Variants in MED15 observed in about 807,000 individuals in gnomAD.
MED15 encodes the protein mediator complex subunit 15, also known as mediator of RNA polymerase II transcription subunit 15.
MED15 carries 41 observed loss-of-function variants against 118.7 expected under a neutral mutation model. The observed-to-expected ratio is 0.35, with a 90% confidence interval of 0.27 to 0.45. The LOEUF (loss-of-function observed/expected upper bound fraction) is 0.45. Ranked by LOEUF, MED15 falls within the 20% of genes least tolerant of loss-of-function variation. The probability of loss-of-function intolerance (pLI) is 1.00; values close to 1 mark genes in which losing one functional copy is unlikely to be tolerated. For missense variants in MED15, 740 were observed against 1,025.5 expected (o/e 0.72, Z 3.80); for synonymous variants, 436 against 413.9 (o/e 1.05, Z -0.65).
intron 2 of MED15, among the ~76,000 whole-genome samples, chr22:20,538,634 A>G (rs1330592949): frequency 2.0e-5 from 3 of 152,098 alleles, no homozygotes; most frequent in Non-Finnish European, 2.9e-5. Context: ...TATACTTTCT[A>G]CTGCTGTAGA....
At chr22:20,544,556 A>G (rs2055447257) in intron 2 of MED15, among the ~76,000 whole-genome samples, 1 of 151,976 alleles carries the variant, frequency 6.6e-6, no homozygotes, top group Non-Finnish European at 1.5e-5. Context: ...AGTCCCAGCT[A>G]CTCGGGAGGC....
At chr22:20,521,489 C>T (rs1425082213) in intron 1 of MED15, among the ~76,000 whole-genome samples, 2 of 151,270 alleles carry the variant, frequency 1.3e-5, no homozygotes, top group Non-Finnish European at 1.5e-5. Context: ...CTCTGCCTCC[C>T]GGGTTCACAC....
chr22:20,564,836 A>C, intron 6 of MED15, 148 bp downstream of exon 6: 1 of 1,387,148 alleles, frequency 7.2e-7, no homozygotes, highest in Non-Finnish European at 9.8e-7. Flanking sequence ...GCTTCTCAAA[A>C]AGTCTGGGAC....
At chr22:20,568,495 A>G in intron 7 of MED15, 26 bp from the exon 8 acceptor site, 1 of 1,610,852 alleles carries the variant, frequency 6.2e-7, no homozygotes, top group Non-Finnish European at 8.5e-7. Context: ...GTGGTTCCAA[A>G]TCACATTCTC....
chr22:20,569,602 C>T (rs2056570232), intron 8 of MED15, among the ~76,000 whole-genome samples: 1 of 152,050 alleles, frequency 6.6e-6, no homozygotes, highest in African/African-American at 2.4e-5. Flanking sequence ...TTCATGGTGC[C>T]TGCTACCTCT....
chr22:20,536,006 A>G (rs548005039), intron 1 of MED15, among the ~76,000 whole-genome samples: 2 of 149,780 alleles, frequency 1.3e-5, no homozygotes, highest in Admixed American at 1.3e-4. Flanking sequence ...CCTCCTTTGT[A>G]GCTGAGATTA....
intron 1 of MED15, among the ~76,000 whole-genome samples, chr22:20,514,010 G>A (rs1229807984): frequency 6.6e-6 from 1 of 152,056 alleles, no homozygotes. Context: ...TACTACAGAC[G>A]CATGCCACCA....
intron 5 of MED15, among the ~76,000 whole-genome samples, chr22:20,563,313 C>T (rs984968138): frequency 1.2e-4 from 18 of 152,158 alleles, no homozygotes; most frequent in African/African-American, 2.9e-4. Flanking sequence ...TTCATGTAGA[C>T]GGTTAAACAC....
At chr22:20,543,151 G>GTGTGTGTGTGTGTGTGTA (rs1346137661) in intron 2 of MED15, among the ~76,000 whole-genome samples, 1 of 82,032 alleles carries the variant, frequency 1.2e-5, no homozygotes, top group African/African-American at 5.4e-5. Context: ...GTGTGTGTGT[G>GTGTGTGTGTGTGTGTGTA]TATTTTTAAA....
chr22:20,514,044 G>A (rs773210817), intron 1 of MED15, among the ~76,000 whole-genome samples: 9 of 151,886 alleles, frequency 5.9e-5, no homozygotes, highest in Non-Finnish European at 1.0e-4. Flanking sequence ...TTTGTATTTT[G>A]TGTAAGAGAC....
intron 1 of MED15, among the ~76,000 whole-genome samples, chr22:20,535,125 T>A (rs2055016106): frequency 6.6e-6 from 1 of 151,852 alleles, no homozygotes; most frequent in Non-Finnish European, 1.5e-5. Flanking sequence ...ACCCGACTAA[T>A]TTTTGTATTT....
At chr22:20,508,225 G>T (rs937766889) in intron 1 of MED15, 1 of 1,247,678 alleles carries the variant, frequency 8.0e-7, no homozygotes, top group South Asian at 1.4e-5. Flanking sequence ...GCGGTGGGAC[G>T]GAGGATCTGA....
chr22:20,548,536 T>C (rs886768157), intron 2 of MED15, among the ~76,000 whole-genome samples: 13 of 152,250 alleles, frequency 8.5e-5, no homozygotes, highest in African/African-American at 3.1e-4. Context: ...ACACTGTGGA[T>C]TTAGAGAGGG....
intron 2 of MED15, chr22:20,551,024 A>G: frequency 2.4e-6 from 1 of 411,506 alleles, no homozygotes. Flanking sequence ...GCCCTTCTTT[A>G]CAGATAGTGC....
intron 8 of MED15, chr22:20,573,626 G>C (rs2056735248): frequency 6.6e-6 from 1 of 152,180 alleles, no homozygotes; most frequent in Non-Finnish European, 1.5e-5. Flanking sequence ...TGGTGCGTTT[G>C]GGTTGAAAGA....
At chr22:20,545,216 A>G (rs953041061) in intron 2 of MED15, among the ~76,000 whole-genome samples, 8 of 152,208 alleles carry the variant, frequency 5.3e-5, no homozygotes, top group Non-Finnish European at 2.9e-5. Context: ...ACGGTGGCCC[A>G]TGCCTGTAAT....
chr22:20,525,891 A>G (rs536738472), intron 1 of MED15, among the ~76,000 whole-genome samples: 1 of 150,340 alleles, frequency 6.7e-6, no homozygotes, highest in East Asian at 1.9e-4. Flanking sequence ...GACACTCTTT[A>G]TGTGCATTTT....
At chr22:20,507,994 G>A (rs1243773947) in intron 1 of MED15, 7 of 1,427,468 alleles carry the variant, frequency 4.9e-6, no homozygotes, top group Non-Finnish European at 6.4e-6. Flanking sequence ...ATCGTCTTGA[G>A]CTTTCTCATT....
intron 13 of MED15, chr22:20,583,876 G>A (rs916568806): frequency 4.3e-6 from 1 of 234,834 alleles, no homozygotes; most frequent in Admixed American, 5.0e-5. Context: ...GCTGCTGTGA[G>A]GATCAGAGCT....
Sources: gnomAD v4.1 joint callset for allele counts (sites outside exome capture counted in the v4.1 genomes callset) on GRCh38, gnomAD v4.1.1 for gene constraint, MANE v1.5 for transcripts, NCBI Gene and HGNC (gene_info 2026-07-23, HGNC 2026-07-21) for gene names.